Variants in AGBL1 observed in about 807,000 individuals in gnomAD.
AGBL1 encodes the protein AGBL carboxypeptidase 1.
A neutral mutation model predicts 118.9 loss-of-function variants in AGBL1; 130 were observed. The observed-to-expected ratio is 1.09, with a 90% CI of 0.95 to 1.26. The LOEUF (loss-of-function observed/expected upper bound fraction) is 1.26, where lower values mean the gene tolerates loss of function less well. Among genes scored for constraint, AGBL1 ranks in the 50% most tolerant of loss-of-function variants. The pLI is 0.00. For missense variants in AGBL1, 1,584 were observed against 1,298.1 expected (o/e 1.22, Z -3.38); for synonymous variants, 555 against 478.9 (o/e 1.16, Z -2.08).
rs149914976 is a variant in AGBL1, at chr15:86,085,288, C to T, written c.51+5265C>T. 1.8e-4 allele frequency among the ~76,000 whole-genome samples: 27 copies of T among 152,250 alleles called. No individual in the cohort carries two copies. The East Asian group carries it at 4.6e-3, about 26-fold the overall frequency. On this transcript the variant is annotated intron_variant, in intron 1 of 22. Transcript: ENST00000614907. ...CAGGATGAGGAGGGTGCCTAGTGAT[C>T]TTCCCCCGGTCATGGCGGGGGTGGG... is the stretch of plus-strand genomic sequence containing the variant.
At chr15:86,782,505 C>G (rs558977561) in intron 22 of AGBL1, among the ~76,000 whole-genome samples, 36 of 152,224 alleles carry the variant, frequency 2.4e-4, no homozygotes, top group Non-Finnish European at 4.0e-4. Context: ...GAATTGGAAG[C>G]AAAATCCAAA....
At chr15:86,132,131 G>A (rs1224160740) in intron 1 of AGBL1, among the ~76,000 whole-genome samples, 1 of 152,146 alleles carries the variant, frequency 6.6e-6, no homozygotes, top group African/African-American at 2.4e-5. Flanking sequence ...CAAGACAACA[G>A]GAGTCCCTGA....
intron 23 of AGBL1, among the ~76,000 whole-genome samples, chr15:86,925,680 C>A (rs1366946137): frequency 1.4e-5 from 2 of 146,854 alleles, no homozygotes; most frequent in African/African-American, 5.0e-5. Context: ...TTCTTCTTTT[C>A]TTCTTTTCTT....
At chr15:86,405,377 G>A (rs573627577) in intron 18 of AGBL1, among the ~76,000 whole-genome samples, 1 of 152,192 alleles carries the variant, frequency 6.6e-6, no homozygotes, top group East Asian at 1.9e-4. Context: ...TTAGCCAGCT[G>A]TGGTGGTGGG....
chr15:86,506,699 A>G (rs1222534114), intron 18 of AGBL1, among the ~76,000 whole-genome samples: 2 of 152,090 alleles, frequency 1.3e-5, no homozygotes, highest in Admixed American at 6.6e-5. Context: ...AAAGGAGAAA[A>G]CAACCCCTTC....
At chr15:86,094,226 T>C (rs535035312) in intron 1 of AGBL1, among the ~76,000 whole-genome samples, 1 of 152,246 alleles carries the variant, frequency 6.6e-6, no homozygotes, top group East Asian at 1.9e-4. Flanking sequence ...ACCAAAACTC[T>C]CCCTAAACTC....
chr15:86,579,572 G>A (rs1189426955), intron 21 of AGBL1, among the ~76,000 whole-genome samples: 4 of 152,124 alleles, frequency 2.6e-5, no homozygotes, highest in Non-Finnish European at 5.9e-5. Context: ...GGGAATTGTA[G>A]CAGAAGTAAG....
At chr15:86,606,088 C>T (rs1056998126) in intron 21 of AGBL1, among the ~76,000 whole-genome samples, 1 of 133,250 alleles carries the variant, frequency 7.5e-6, no homozygotes, top group Non-Finnish European at 1.5e-5. Context: ...GATGGTGCCA[C>T]TGCACTCCAG....
chr15:86,271,846 T>C, intron 15 of AGBL1, 140 bp downstream of exon 15: 1 of 752,058 alleles, frequency 1.3e-6, no homozygotes, highest in South Asian at 1.7e-5. Flanking sequence ...TAATGGCCAG[T>C]GTCCGGCCCT....
intron 22 of AGBL1, among the ~76,000 whole-genome samples, chr15:86,680,288 T>C (rs2085929057): frequency 6.6e-6 from 1 of 152,146 alleles, no homozygotes; most frequent in Admixed American, 6.6e-5. Context: ...TCATCTTACA[T>C]TTTTCAGAGA....
intron 22 of AGBL1, among the ~76,000 whole-genome samples, chr15:86,685,832 C>T (rs1462998978): frequency 1.3e-5 from 2 of 152,052 alleles, no homozygotes; most frequent in Non-Finnish European, 2.9e-5. Flanking sequence ...AAAATATATT[C>T]ATAAAACAGT....
At chr15:86,465,706 A>T (rs562019406) in intron 18 of AGBL1, among the ~76,000 whole-genome samples, 2 of 152,266 alleles carry the variant, frequency 1.3e-5, no homozygotes, top group African/African-American at 2.4e-5. Context: ...AGGATTGGGA[A>T]ATTCCAGCCT....
At chr15:86,820,999 C>CA (rs1301365151) in intron 22 of AGBL1, among the ~76,000 whole-genome samples, 1 of 151,876 alleles carries the variant, frequency 6.6e-6, no homozygotes, top group Admixed American at 6.6e-5. Flanking sequence ...ACTACGGAGC[C>CA]AAAAAAAGAA....
intron 24 of AGBL1, among the ~76,000 whole-genome samples, chr15:87,008,291 ACGCTGTTCTCATGACAGT>A: frequency 6.6e-6 from 1 of 152,162 alleles, no homozygotes; most frequent in Admixed American, 6.5e-5. Flanking sequence ...GGTCTTTCCC[ACGCTGTTCTCATGACAGT>A]TAATATGTCT....
chr15:86,830,941 T>C (rs924861699), intron 22 of AGBL1, among the ~76,000 whole-genome samples: 1 of 152,174 alleles, frequency 6.6e-6, no homozygotes, highest in Non-Finnish European at 1.5e-5. Flanking sequence ...CTGGGTAATA[T>C]ATAAAGGAAA....
intron 18 of AGBL1, among the ~76,000 whole-genome samples, chr15:86,404,909 A>AGGGAAAATTCTGGAAG (rs2081501800): frequency 6.6e-6 from 1 of 152,174 alleles, no homozygotes; most frequent in Non-Finnish European, 1.5e-5. Flanking sequence ...TTCCAGGAAC[A>AGGGAAAATTCTGGAAG]GGGAAAATTC....
At chr15:86,174,199 A>AT (rs1172883177) in intron 5 of AGBL1, among the ~76,000 whole-genome samples, 1 of 151,558 alleles carries the variant, frequency 6.6e-6, no homozygotes, top group East Asian at 1.9e-4. Context: ...GCATTTTGTT[A>AT]TTTTTTGTAG....
chr15:86,567,997 T>G (rs2083941570), intron 21 of AGBL1, among the ~76,000 whole-genome samples: 1 of 152,136 alleles, frequency 6.6e-6, no homozygotes, highest in African/African-American at 2.4e-5. Context: ...TCTGATCTTC[T>G]TTGGGATAGA....
In AGBL1 at chr15:86,148,190, G is replaced by C. The variant is rs575721161; in HGVS notation, c.262+4345G>C. Among the ~76,000 whole-genome samples, 243 of 152,312 alleles carry C rather than the reference G, an allele frequency of 1.6e-3. 3 individuals are homozygous for C. In the South Asian group the frequency reaches 0.046, roughly 29 times the overall value. The stretch of plus-strand genomic sequence containing the variant: ...GATGGGGAGAAACCAGAGCAGAAAA[G>C]CTGAAAATTCTAAAAATCAGAGCAT... On this transcript the variant is annotated intron_variant, in intron 3 of 22. Transcript: ENST00000614907.
Sources: gnomAD v4.1 joint callset for allele counts (sites outside exome capture counted in the v4.1 genomes callset) on GRCh38, gnomAD v4.1.1 for gene constraint, MANE v1.5 for transcripts, NCBI Gene and HGNC (gene_info 2026-07-23, HGNC 2026-07-21) for gene names.